C7orf78: variants seen among roughly 807,000 people sequenced by gnomAD.
C7orf78 encodes chromosome 7 open reading frame 78.
chr7:12,500,760 G>A, the C7orf78 span, among the ~76,000 whole-genome samples: 62 of 150,966 alleles, frequency 4.1e-4, 1 homozygote, highest in African/African-American at 1.1e-3. Flanking sequence ...TACCAAAGCC[G>A]GGCAGAGACA....
chr7:12,538,701 T>C, the C7orf78 span, among the ~76,000 whole-genome samples: 3 of 152,238 alleles, frequency 2.0e-5, no homozygotes, highest in South Asian at 6.2e-4. Flanking sequence ...TGGCTGGAGC[T>C]CATCAATTTC....
chr7:12,507,003 C>CA, the C7orf78 span: 19 of 448,004 alleles, frequency 4.2e-5, no homozygotes, highest in Middle Eastern at 5.8e-4. Context: ...GATTAAGGGC[C>CA]AAAAAAAAGC....
chr7:12,537,919 C>T, the C7orf78 span, among the ~76,000 whole-genome samples: 3 of 151,952 alleles, frequency 2.0e-5, no homozygotes, highest in Non-Finnish European at 4.4e-5. Context: ...TATATATATA[C>T]ACATATCTGT....
the C7orf78 span, among the ~76,000 whole-genome samples, chr7:12,526,945 C>A: frequency 6.6e-6 from 1 of 152,020 alleles, no homozygotes; most frequent in South Asian, 2.1e-4. Context: ...TGTCTACTTT[C>A]CTAGTATATG....
chr7:12,486,862 A>C, the C7orf78 span: 1 of 151,746 alleles, frequency 6.6e-6, no homozygotes, highest in Non-Finnish European at 1.5e-5. Context: ...TACTTTTCTA[A>C]TATTACAGCA....
At chr7:12,497,532 T>G in the C7orf78 span, among the ~76,000 whole-genome samples, 3 of 152,250 alleles carry the variant, frequency 2.0e-5, no homozygotes, top group Admixed American at 2.0e-4. Flanking sequence ...CCCACGGGCT[T>G]AAAAAACGGT....
the C7orf78 span, chr7:12,528,799 T>G: frequency 2.5e-6 from 1 of 396,250 alleles, no homozygotes; most frequent in South Asian, 1.4e-4. Flanking sequence ...TCCAGCGACT[T>G]ACCACTCCTG....
chr7:12,525,038 C>T, the C7orf78 span, among the ~76,000 whole-genome samples: 3 of 151,990 alleles, frequency 2.0e-5, no homozygotes, highest in Admixed American at 6.6e-5. Flanking sequence ...TTGAAACGAA[C>T]TTGGTCTCAT....
the C7orf78 span, among the ~76,000 whole-genome samples, chr7:12,504,178 A>G: frequency 6.6e-6 from 1 of 152,148 alleles, no homozygotes; most frequent in Non-Finnish European, 1.5e-5. Flanking sequence ...AGTTCTCAAG[A>G]CTTAGTAAAA....
chr7:12,532,951 G>A, the C7orf78 span, among the ~76,000 whole-genome samples: 1 of 152,154 alleles, frequency 6.6e-6, no homozygotes, highest in East Asian at 1.9e-4. Context: ...GTAAGAATTT[G>A]TTTTAAGTGG....
chr7:12,511,757 G>GTTTTTT, the C7orf78 span, among the ~76,000 whole-genome samples: 2 of 151,012 alleles, frequency 1.3e-5, no homozygotes, highest in African/African-American at 4.9e-5. Flanking sequence ...TTTGTTTTTT[G>GTTTTTT]TTTTTTGTTT....
chr7:12,506,931 A>C, the C7orf78 span: 1 of 485,182 alleles, frequency 2.1e-6, no homozygotes, highest in Middle Eastern at 4.9e-4. Context: ...CCACAGTCAC[A>C]TAAAGTGCTG....
At chr7:12,536,293 C>T in the C7orf78 span, among the ~76,000 whole-genome samples, 1 of 152,176 alleles carries the variant, frequency 6.6e-6, no homozygotes, top group African/African-American at 2.4e-5. Flanking sequence ...ACAGGCTCAA[C>T]ACCATGTGGA....
chr7:12,514,388 T>A, the C7orf78 span, among the ~76,000 whole-genome samples: 2 of 152,126 alleles, frequency 1.3e-5, no homozygotes, highest in African/African-American at 2.4e-5. Context: ...GCTTTTTTTT[T>A]AATAGAATAT....
At chr7:12,486,807 A>G in the C7orf78 span, among the ~76,000 whole-genome samples, 1 of 152,072 alleles carries the variant, frequency 6.6e-6, no homozygotes, top group African/African-American at 2.4e-5. Context: ...GAATTAAAAG[A>G]TAGTAGTGTG....
At chr7:12,534,977 GGGAA>G in the C7orf78 span, among the ~76,000 whole-genome samples, 3,326 of 130,452 alleles carry the variant, frequency 0.025, 65 homozygotes, top group African/African-American at 0.053. Context: ...GAAGGAAGGA[GGGAA>G]GGAAGGAAGG....
At chr7:12,516,256 CT>C in the C7orf78 span, among the ~76,000 whole-genome samples, 1 of 152,220 alleles carries the variant, frequency 6.6e-6, no homozygotes, top group Non-Finnish European at 1.5e-5. Context: ...TGGGCAATGG[CT>C]TCAGAGGGTG....
At chr7:12,489,282 G>C in the C7orf78 span, among the ~76,000 whole-genome samples, 24 of 152,056 alleles carry the variant, frequency 1.6e-4, no homozygotes, top group South Asian at 6.2e-4. Flanking sequence ...TTATTTATAT[G>C]CATTGTTTCC....
chr7:12,534,937 A>G, the C7orf78 span, among the ~76,000 whole-genome samples: 2,564 of 150,538 alleles, frequency 0.017, 51 homozygotes, highest in African/African-American at 0.048. Flanking sequence ...ACAGAGCAAG[A>G]CCCTGTCTCA....
Sources: allele counts gnomAD v4.1 joint callset (sites outside exome capture counted in the v4.1 genomes callset), GRCh38; gene constraint gnomAD v4.1.1; transcripts MANE v1.5; gene names NCBI Gene and HGNC (gene_info 2026-07-23, HGNC 2026-07-21).